CCDC81: variants seen among roughly 807,000 people sequenced by gnomAD.
CCDC81 encodes the protein coiled-coil domain-containing protein 81.
CCDC81 carries 79 observed loss-of-function variants against 83.7 expected under a neutral mutation model. That is an observed-to-expected ratio of 0.94 (90% CI 0.79 to 1.14). The LOEUF (loss-of-function observed/expected upper bound fraction) is 1.14. Among genes scored for constraint, CCDC81 ranks in the 50% most tolerant of loss-of-function variants. The pLI is 0.00. For missense variants in CCDC81, 791 were observed against 778.1 expected (o/e 1.02, Z -0.20); for synonymous variants, 252 against 278.1 (o/e 0.91, Z 0.93).
At chr11:86,412,729 C>T (rs1948663218) in intron 11 of CCDC81, among the ~76,000 whole-genome samples, 170 bp downstream of exon 11, 1 of 152,212 alleles carries the variant, frequency 6.6e-6, no homozygotes, top group Non-Finnish European at 1.5e-5. Flanking sequence ...CCCTCGTCCC[C>T]CTCGCAGGGC....
chr11:86,379,102 C>CTT (rs34798518), intron 1 of CCDC81, among the ~76,000 whole-genome samples: 14 of 146,562 alleles, frequency 9.6e-5, no homozygotes, highest in African/African-American at 1.5e-4. Context: ...ATCAGTTATA[C>CTT]TTTTTTTTTT....
intron 3 of CCDC81, among the ~76,000 whole-genome samples, chr11:86,388,961 A>G (rs1948285799): frequency 6.6e-6 from 1 of 152,158 alleles, no homozygotes; most frequent in Non-Finnish European, 1.5e-5. Context: ...AATTAGACAT[A>G]TATGACTGAA....
chr11:86,375,596 TA>T (rs1375954949), intron 1 of CCDC81, among the ~76,000 whole-genome samples: 1 of 152,152 alleles, frequency 6.6e-6, no homozygotes, highest in Non-Finnish European at 1.5e-5. Flanking sequence ...GCAGGGACCC[TA>T]AATGGCTCCT....
chr11:86,406,296 A>G (rs1948564850), intron 7 of CCDC81, among the ~76,000 whole-genome samples: 1 of 152,074 alleles, frequency 6.6e-6, no homozygotes, highest in South Asian at 2.1e-4. Flanking sequence ...GTCCGAATCA[A>G]TCTGGTTGTC....
At chr11:86,404,199 C>T (rs1460723283) in intron 7 of CCDC81, among the ~76,000 whole-genome samples, 1 of 151,962 alleles carries the variant, frequency 6.6e-6, no homozygotes. Context: ...CAGCATTCGC[C>T]CCACCCCAGA....
rs1381001471 is a variant in CCDC81, at chr11:86,412,471, C to T, written c.1303C>T (p.Gln435Ter). ...GGAATATTCCCGGAGTCTCCTGAAA[C>T]AAATGGATAACAGACAGGAAAACGA... ...QEEYSRSLLK[Q>*]MDNRQENEIK... is the part of the protein sequence containing the mutation. Residue 435 changes from glutamine to a stop codon, truncating the protein, a stop_gained, in exon 11 of 15, where the codon CAA becomes TAA. Coordinates refer to ENST00000445632, the MANE Select transcript of CCDC81 (RefSeq NM_001156474.2). LOFTEE classifies it high-confidence loss of function. The T allele has an allele frequency of 3.1e-6, 5 of 1,613,958 alleles. No homozygotes were observed. In the Admixed American group the frequency reaches 5.0e-5, roughly 16 times the overall value.
rs1235196325 is a variant in CCDC81 at position 86,409,338 on chromosome 11, C to T, written c.1191C>T (p.Asn397=). 1 of 1,532,548 alleles carries T rather than the reference C, an allele frequency of 6.5e-7. No individual in the cohort carries two copies. Among genetic ancestry groups the T allele is most frequent in the East Asian group, 2.5e-5 (1 of 40,206 alleles). The allele number at this position is 1,532,548 out of a possible 1,614,324, so 94.9% of individuals were successfully genotyped here. Residue 397 remains asparagine (N), a synonymous_variant, in exon 10 of 15, where the codon AAC becomes AAT. Coordinates refer to ENST00000445632, the MANE Select transcript of CCDC81 (RefSeq NM_001156474.2). ...YNLGVAEAIR[N]HKNEKPEFYK... ...TTGGAGTTGCTGAAGCTATAAGAAA[C>T]CACAAGAATGAGAAACCGGAATTTT... is the stretch of plus-strand genomic sequence containing the variant.
chr11:86,412,520 A>C lies in CCDC81; in HGVS notation c.1352A>C (p.Glu451Ala), dbSNP rs1486410602. Reference sequence around the variant, plus strand: ...GAAATAAAGCAAAGACAATACAGAGAGTTGATGGACCGCCTGGAACAAGTG... The same window carrying C: ...GAAATAAAGCAAAGACAATACAGAGCGTTGATGGACCGCCTGGAACAAGTG... ...ENEIKQRQYRELMDRLEQVQL... is the reference protein window; with the variant it reads ...ENEIKQRQYRALMDRLEQVQL... Residue 451 changes from glutamate to alanine, a missense_variant, in exon 11 of 15, where the codon GAG becomes GCG. Coordinates refer to ENST00000445632, the MANE Select transcript of CCDC81 (RefSeq NM_001156474.2). 3 of 1,613,384 alleles carry C rather than the reference A, an allele frequency of 1.9e-6. No homozygotes were observed. The African/African-American group carries it at 4.0e-5, about 22-fold the overall frequency.
chr11:86,381,000 T>C (rs1225957122), intron 1 of CCDC81, among the ~76,000 whole-genome samples: 2 of 152,124 alleles, frequency 1.3e-5, no homozygotes, highest in African/African-American at 4.8e-5. Context: ...TTTTTCTTGA[T>C]AGCTGGAAGT....
intron 4 of CCDC81, among the ~76,000 whole-genome samples, chr11:86,393,453 T>C (rs118086209): frequency 1.3e-5 from 2 of 152,166 alleles, no homozygotes; most frequent in Non-Finnish European, 2.9e-5. Flanking sequence ...ATTTTACAAT[T>C]GAGAAAAGTA....
At chr11:86,400,568 TA>T (rs1485987688) in intron 6 of CCDC81, 109 bp from the exon 7 acceptor site, 11 of 1,106,876 alleles carry the variant, frequency 9.9e-6, no homozygotes, top group African/African-American at 1.6e-5. Flanking sequence ...GGTGATTATT[TA>T]AAGATAAGAG....
chr11:86,420,091 T>A (rs770803632), intron 14 of CCDC81, 38 bp downstream of exon 14: 7 of 1,599,076 alleles, frequency 4.4e-6, no homozygotes, highest in Non-Finnish European at 6.0e-6. Context: ...CTCCTGCTCC[T>A]TGTGGGACAG....
At chr11:86,377,968 C>CTGTTT (rs1948120504) in intron 1 of CCDC81, among the ~76,000 whole-genome samples, 1 of 73,350 alleles carries the variant, frequency 1.4e-5, no homozygotes, top group African/African-American at 5.2e-5. Context: ...TGCCTAGGTT[C>CTGTTT]TTTTTTTTTT....
At chr11:86,410,089 T>C (rs886593819) in intron 10 of CCDC81, among the ~76,000 whole-genome samples, 1 of 152,158 alleles carries the variant, frequency 6.6e-6, no homozygotes, top group Non-Finnish European at 1.5e-5. Flanking sequence ...CCCAGGTGAT[T>C]TGTATTTGCA....
chr11:86,395,498 T>G, intron 5 of CCDC81, 85 bp downstream of exon 5: 2 of 1,031,990 alleles, frequency 1.9e-6, no homozygotes, highest in Non-Finnish European at 3.0e-6. Flanking sequence ...TTCTCAATGT[T>G]TTGTAGCTCA....
chr11:86,392,820 C>A (rs1236204436), intron 4 of CCDC81, 23 bp downstream of exon 4: 3 of 1,540,068 alleles, frequency 1.9e-6, no homozygotes, highest in Non-Finnish European at 1.8e-6. Flanking sequence ...TTTCCTTCTC[C>A]TAAGTCTTCT....
intron 3 of CCDC81, among the ~76,000 whole-genome samples, chr11:86,388,255 G>A (rs1354480445): frequency 7.3e-6 from 1 of 137,668 alleles, no homozygotes; most frequent in East Asian, 2.3e-4. Context: ...TTTATTGAGA[G>A]CCAACTATGT....
rs945032235 is a variant in CCDC81 at position 86,416,008 on chromosome 11, G to C, written c.1691+695G>C. Among the ~76,000 whole-genome samples the C allele has an allele frequency of 2.6e-5, 4 of 152,124 alleles. No homozygotes were observed. In the East Asian group the frequency reaches 5.8e-4, roughly 22 times the overall value. ...TTTTTAATTTTGGCTGTTCTAACAG[G>C]TGCATAGTGGTGTCTCATGCTTTAA... is the stretch of plus-strand genomic sequence containing the variant. On this transcript the variant is annotated intron_variant, in intron 13 of 14. Transcript: ENST00000445632.
rs61157417 is a variant in CCDC81, at chr11:86,377,968, C to CTTTTTTTTTTTTTTTTTTTTT, written c.79+2728_79+2748dup. 1.5e-4 allele frequency among the ~76,000 whole-genome samples: 11 copies of CTTTTTTTTTTTTTTTTTTTTT among 73,350 alleles called. 3 individuals carry two copies. The highest frequency in any genetic ancestry group is 9.0e-4 in the Admixed American group (4 of 4,428). 48.1% of individuals were successfully genotyped at this position (73,350 alleles called of 152,430 possible). Reference sequence around the variant, plus strand: ...AAGGTGTAAGGTCTGTGCCTAGGTTCTTTTTTTTTTTTTTTTTTTTTTGCA... The same window carrying CTTTTTTTTTTTTTTTTTTTTT: ...AAGGTGTAAGGTCTGTGCCTAGGTTCTTTTTTTTTTTTTTTTTTTTTTTTTTTTTTTTTTTTTTTTTTTGCA... On this transcript the variant is annotated intron_variant, in intron 1 of 14. Coordinates refer to ENST00000445632, the MANE Select transcript of CCDC81 (RefSeq NM_001156474.2).
Sources: gnomAD v4.1 joint callset for allele counts (sites outside exome capture counted in the v4.1 genomes callset) on GRCh38, gnomAD v4.1.1 for gene constraint, MANE v1.5 for transcripts, NCBI Gene and HGNC (gene_info 2026-07-23, HGNC 2026-07-21) for gene names.